The following THSD7B variants were observed in gnomAD, a reference collection of about 807,000 sequenced individuals.
The protein encoded by THSD7B is thrombospondin type-1 domain-containing protein 7B.
THSD7B carries 138 observed loss-of-function variants against 213.6 expected under a neutral mutation model. The ratio of observed to expected loss-of-function variants is 0.65; its 90% CI spans 0.56 to 0.74. The LOEUF (loss-of-function observed/expected upper bound fraction) is 0.74. Ranked by LOEUF, THSD7B falls within the 30% of genes least tolerant of loss-of-function variation. The probability of loss-of-function intolerance (pLI) is 0.00; values close to 1 mark genes in which losing one functional copy is unlikely to be tolerated. For synonymous variants in THSD7B, 742 were observed against 687.0 expected, an observed-to-expected ratio of 1.08 and a Z score of -1.25; for missense variants, 1,931 against 1,991.5, an observed-to-expected ratio of 0.97 and a Z score of 0.58.
At chr2:137,209,916 C>A (rs993462379) in intron 7 of THSD7B, among the ~76,000 whole-genome samples, 2 of 151,498 alleles carry the variant, frequency 1.3e-5, no homozygotes, top group Admixed American at 6.6e-5. Context: ...TTAAGGTGAA[C>A]CCTGTTTGAA....
chr2:137,363,888 T>G (rs1320246194), intron 12 of THSD7B, among the ~76,000 whole-genome samples: 1 of 152,234 alleles, frequency 6.6e-6, no homozygotes, highest in African/African-American at 2.4e-5. Flanking sequence ...TAACTCATTT[T>G]ATGAGGCCAA....
intron 25 of THSD7B, among the ~76,000 whole-genome samples, chr2:137,660,987 T>C (rs1329817399): frequency 1.3e-5 from 2 of 152,218 alleles, no homozygotes; most frequent in African/African-American, 4.8e-5. Flanking sequence ...GTTCAGTCAA[T>C]AATTGATGAC....
Position 137,642,107 on chromosome 2 carries a change from TCTGGCAATTTTACTACTGTC to T in THSD7B, c.3800-379_3800-360del, listed in dbSNP as rs564849789. On this transcript the variant is annotated intron_variant, in intron 20 of 27. Coordinates refer to ENST00000409968, the MANE Select transcript of THSD7B (RefSeq NM_001316349.2). ...GAGGTATTTGACGGTAGAGGATATA[TCTGGCAATTTTACTACTGTC>T]CATAGCACACTACAGGATGCCTTGA... The T allele has an allele frequency of 1.4e-3, 212 of 156,204 alleles. 1 individual carries two copies. Among genetic ancestry groups the T allele is most frequent in the Middle Eastern group, 6.5e-3 (2 of 306 alleles). 9.7% of individuals were successfully genotyped at this position (156,204 alleles called of 1,614,324 possible). A position where few individuals can be genotyped will look rare whatever the true frequency, so the allele number is the denominator to read the frequency against.
intron 15 of THSD7B, among the ~76,000 whole-genome samples, chr2:137,482,005 G>A (rs535755256): frequency 1.3e-5 from 2 of 152,100 alleles, no homozygotes; most frequent in Admixed American, 6.5e-5. Flanking sequence ...GTGAAACCCC[G>A]TCTCTACTAA....
At chr2:136,805,969 C>T (rs1288987875) in intron 1 of THSD7B, among the ~76,000 whole-genome samples, 1 of 152,180 alleles carries the variant, frequency 6.6e-6, no homozygotes, top group Non-Finnish European at 1.5e-5. Flanking sequence ...TTCATATTAC[C>T]TATTTAGAAT....
chr2:137,379,745 A>C (rs1685732242), intron 12 of THSD7B, among the ~76,000 whole-genome samples: 2 of 152,184 alleles, frequency 1.3e-5, no homozygotes, highest in African/African-American at 2.4e-5. Flanking sequence ...GTCAGGGGGA[A>C]GAGCTGGAGT....
At chr2:136,997,902 A>G (rs1033829895) in intron 2 of THSD7B, among the ~76,000 whole-genome samples, 4 of 152,142 alleles carry the variant, frequency 2.6e-5, no homozygotes, top group Non-Finnish European at 5.9e-5. Flanking sequence ...GCGGGAGGAC[A>G]TGGCTAAGAC....
chr2:137,440,462 CT>C (rs10635670), intron 14 of THSD7B, among the ~76,000 whole-genome samples: 168 of 144,308 alleles, frequency 1.2e-3, no homozygotes, highest in Admixed American at 1.2e-3. Context: ...CTCACCTTAC[CT>C]TTTTTTTTTT....
intron 15 of THSD7B, among the ~76,000 whole-genome samples, chr2:137,480,498 A>G (rs1237500130): frequency 3.9e-5 from 6 of 152,198 alleles, no homozygotes; most frequent in Admixed American, 1.3e-4. Flanking sequence ...GCCTCACCAA[A>G]TTCTGTAGTT....
intron 17 of THSD7B, among the ~76,000 whole-genome samples, chr2:137,615,105 T>C (rs144776783): frequency 1.2e-4 from 18 of 152,214 alleles, no homozygotes; most frequent in African/African-American, 3.9e-4. Context: ...ATATAATTGA[T>C]ATTAAGACTT....
chr2:137,279,923 T>G (rs994461575), intron 12 of THSD7B, among the ~76,000 whole-genome samples: 6 of 152,206 alleles, frequency 3.9e-5, no homozygotes, highest in African/African-American at 9.6e-5. Flanking sequence ...CTTTGAGGAT[T>G]CTTTGTATCC....
intron 1 of THSD7B, among the ~76,000 whole-genome samples, chr2:136,833,542 G>A (rs1255439591): frequency 4.0e-5 from 6 of 150,626 alleles, no homozygotes; most frequent in Non-Finnish European, 1.5e-5. Context: ...GAACTATGAA[G>A]GGTCAAGTGT....
intron 14 of THSD7B, among the ~76,000 whole-genome samples, chr2:137,437,321 C>T (rs1194659532): frequency 3.9e-5 from 6 of 152,108 alleles, no homozygotes; most frequent in Non-Finnish European, 5.9e-5. Flanking sequence ...CATGCATTAC[C>T]ATTATTGTCT....
At chr2:136,849,598 G>A (rs1419676064) in intron 1 of THSD7B, among the ~76,000 whole-genome samples, 4 of 152,092 alleles carry the variant, frequency 2.6e-5, no homozygotes, top group Non-Finnish European at 5.9e-5. Flanking sequence ...GAAACATGCA[G>A]GGGGTGGGGA....
intron 2 of THSD7B, among the ~76,000 whole-genome samples, chr2:136,957,178 G>A (rs1685140724): frequency 6.6e-6 from 1 of 152,218 alleles, no homozygotes; most frequent in African/African-American, 2.4e-5. Context: ...CCCTTTGTTA[G>A]TTCATTTACA....
intron 12 of THSD7B, among the ~76,000 whole-genome samples, chr2:137,350,667 T>C (rs189962775): frequency 1.1e-4 from 17 of 151,320 alleles, no homozygotes; most frequent in Admixed American, 1.1e-3. Flanking sequence ...TGGGGAGGGT[T>C]GGGGAGAAGA....
intron 2 of THSD7B, among the ~76,000 whole-genome samples, chr2:136,940,742 A>T (rs56366402): frequency 0.16 from 22,435 of 144,178 alleles, 2,418 homozygotes; most frequent in East Asian, 0.42. Flanking sequence ...ATATATATAT[A>T]TTTTTTCTTA....
chr2:137,357,876 C>A (rs1685169424), intron 12 of THSD7B, among the ~76,000 whole-genome samples: 1 of 152,142 alleles, frequency 6.6e-6, no homozygotes, highest in African/African-American at 2.4e-5. Context: ...CTCATTCATA[C>A]ATTTTAGATC....
At chr2:137,615,319 G>C (rs1222685825) in intron 17 of THSD7B, among the ~76,000 whole-genome samples, 2 of 152,212 alleles carry the variant, frequency 1.3e-5, no homozygotes, top group African/African-American at 4.8e-5. Flanking sequence ...CAAAAAGGAA[G>C]AGAAGAACAT....
Sources: gnomAD v4.1 joint callset for allele counts (sites outside exome capture counted in the v4.1 genomes callset) on GRCh38, gnomAD v4.1.1 for gene constraint, MANE v1.5 for transcripts, NCBI Gene and HGNC (gene_info 2026-07-23, HGNC 2026-07-21) for gene names.